The following RBFOX3 variants were observed in gnomAD, a reference collection of about 807,000 sequenced individuals.
The protein encoded by RBFOX3 is RNA binding protein fox-1 homolog 3.
RBFOX3 carries 17 observed loss-of-function variants against 48.7 expected under a neutral mutation model. That is an observed-to-expected ratio of 0.35 (90% CI 0.24 to 0.52). The LOEUF is 0.52. Among genes scored for constraint, RBFOX3 ranks in the 20% least tolerant of loss-of-function variants. The pLI is 0.94. For synonymous variants in RBFOX3, 212 were observed against 209.5 expected (o/e 1.01, Z -0.10); for missense variants, 382 against 497.5 (o/e 0.77, Z 2.21).
intron 1 of RBFOX3, among the ~76,000 whole-genome samples, chr17:79,578,152 C>G (rs1369915939): frequency 3.3e-5 from 5 of 152,246 alleles, no homozygotes; most frequent in Admixed American, 1.3e-4. Context: ...ATTTGTCCAA[C>G]AGCAAAGGCC....
At chr17:79,367,286 CCCTCCTCCT>C (rs1018789532) in intron 2 of RBFOX3, among the ~76,000 whole-genome samples, 1 of 143,726 alleles carries the variant, frequency 7.0e-6, no homozygotes, top group Non-Finnish European at 1.5e-5. Flanking sequence ...CTCCTCCTCC[CCCTCCTCCT>C]CCCTCTCCTC....
chr17:79,092,022 GT>G, intron 14 of RBFOX3: 3 of 985,490 alleles, frequency 3.0e-6, no homozygotes, highest in Non-Finnish European at 3.6e-6. Context: ...TACTCCTGTG[GT>G]TGGCTGGGTG....
intron 1 of RBFOX3, among the ~76,000 whole-genome samples, chr17:79,555,815 C>CAAT (rs1194562996): frequency 1.8e-3 from 2 of 1,100 alleles, no homozygotes; most frequent in African/African-American, 5.8e-3. Context: ...GTGATGGTGA[C>CAAT]GATGATGATA....
intron 2 of RBFOX3, among the ~76,000 whole-genome samples, chr17:79,408,175 C>G (rs1357316006): frequency 6.6e-6 from 1 of 152,138 alleles, no homozygotes; most frequent in Non-Finnish European, 1.5e-5. Context: ...GGGAGGCAGG[C>G]TGCGTATCTA....
chr17:79,238,034 T>G (rs757787961), intron 3 of RBFOX3, among the ~76,000 whole-genome samples: 4 of 152,220 alleles, frequency 2.6e-5, no homozygotes, highest in Non-Finnish European at 4.4e-5. Flanking sequence ...CCTCTCAGGT[T>G]CAAGCGATTC....
chr17:79,319,051 T>G (rs1598239120), intron 2 of RBFOX3, among the ~76,000 whole-genome samples: 3 of 148,258 alleles, frequency 2.0e-5, no homozygotes, highest in Admixed American at 1.3e-4. Context: ...AATTTGACTG[T>G]GGAAGGAGGG....
intron 2 of RBFOX3, among the ~76,000 whole-genome samples, chr17:79,308,131 G>A (rs1387270428): frequency 6.6e-6 from 1 of 152,246 alleles, no homozygotes; most frequent in South Asian, 2.1e-4. Context: ...AGCAGGTGAC[G>A]GGGTCAGGCT....
At chr17:79,264,374 C>CTT (rs34109756) in intron 3 of RBFOX3, among the ~76,000 whole-genome samples, 7 of 147,334 alleles carry the variant, frequency 4.8e-5, no homozygotes, top group African/African-American at 1.2e-4. Flanking sequence ...CCAAGCCTGG[C>CTT]TTTTTTTTTT....
At chr17:79,188,559 A>C (rs1368211326) in intron 4 of RBFOX3, among the ~76,000 whole-genome samples, 1 of 152,216 alleles carries the variant, frequency 6.6e-6, no homozygotes, top group East Asian at 1.9e-4. Flanking sequence ...GGAGTTGCAC[A>C]GGGTTGCAGT....
chr17:79,319,215 A>T (rs1381367158), intron 2 of RBFOX3, among the ~76,000 whole-genome samples: 1 of 152,054 alleles, frequency 6.6e-6, no homozygotes, highest in Non-Finnish European at 1.5e-5. Context: ...CTTTCCTGTT[A>T]CAAAGTTTTG....
rs371783903 is a variant in RBFOX3 at position 79,199,537 on chromosome 17, G to C, written c.-34+36229C>G. On this transcript the variant is annotated intron_variant, in intron 4 of 14. Coordinates refer to ENST00000693108, the MANE Select transcript of RBFOX3 (RefSeq NM_001350451.2). The surrounding 1 kb of genome is among the most constrained non-coding windows in gnomAD (Gnocchi z 5.1). Reference sequence around the variant, plus strand: ...CCCAGTCACTGACTTAGGGCTGCCAGTGACCTCTGTGGTGGGAACAGGTGA... The same window carrying C: ...CCCAGTCACTGACTTAGGGCTGCCACTGACCTCTGTGGTGGGAACAGGTGA... 6.6e-6 allele frequency among the ~76,000 whole-genome samples: 1 copy of C among 152,230 alleles called. No homozygotes were observed. The highest frequency in any genetic ancestry group is 2.4e-5 in the African/African-American group (1 of 41,468).
At chr17:79,265,883 C>T (rs2066613944) in intron 3 of RBFOX3, among the ~76,000 whole-genome samples, 1 of 152,196 alleles carries the variant, frequency 6.6e-6, no homozygotes, top group Non-Finnish European at 1.5e-5. Context: ...TCAGAACTGG[C>T]TTGGGGAGGG....
At chr17:79,373,121 G>A (rs1471171285) in intron 2 of RBFOX3, among the ~76,000 whole-genome samples, 1 of 152,160 alleles carries the variant, frequency 6.6e-6, no homozygotes, top group South Asian at 2.1e-4. Context: ...GGTGACGGCA[G>A]GGGAGCAGGT....
At chr17:79,412,675 GTA>G (rs2148610976) in intron 2 of RBFOX3, among the ~76,000 whole-genome samples, 1 of 151,520 alleles carries the variant, frequency 6.6e-6, no homozygotes, top group African/African-American at 2.4e-5. Flanking sequence ...TGAGTGTATG[GTA>G]TATGTGTATA....
intron 2 of RBFOX3, among the ~76,000 whole-genome samples, chr17:79,468,916 A>G (rs1041213383): frequency 8.5e-4 from 126 of 148,782 alleles, no homozygotes; most frequent in Non-Finnish European, 1.4e-3. Flanking sequence ...GATGGCAGAT[A>G]GGCAGGCAGA....
rs561955244 is a variant in RBFOX3 at position 79,432,369 on chromosome 17, C to T, written c.-175+50085G>A. 2.6e-5 allele frequency among the ~76,000 whole-genome samples: 4 copies of T among 152,360 alleles called. No homozygotes were observed. The South Asian group carries it at 8.3e-4, about 32-fold the overall frequency. On this transcript the variant is annotated intron_variant, in intron 2 of 14. Coordinates refer to ENST00000693108, the MANE Select transcript of RBFOX3 (RefSeq NM_001350451.2). The stretch of plus-strand genomic sequence containing the variant: ...GATTGTTTCATAGAAACAAGCATCT[C>T]CATGGAGCTTCACCTCTTGGGCCAG...
At chr17:79,562,044 C>A (rs1264781722) in intron 1 of RBFOX3, among the ~76,000 whole-genome samples, 13 of 152,216 alleles carry the variant, frequency 8.5e-5, no homozygotes. Flanking sequence ...TCAGCAGCCA[C>A]CAAAGGCCAC....
At chr17:79,113,378 C>T (rs1000038975) in intron 5 of RBFOX3, among the ~76,000 whole-genome samples, 4 of 152,142 alleles carry the variant, frequency 2.6e-5, no homozygotes, top group South Asian at 4.1e-4. Context: ...ACGCCGATGC[C>T]GTAACTTCTG....
At chr17:79,655,000 A>G in the RBFOX3 span, among the ~76,000 whole-genome samples, 1 of 152,202 alleles carries the variant, frequency 6.6e-6, no homozygotes, top group African/African-American at 2.4e-5. Context: ...AGAGTTCCAA[A>G]GCGACTGGAC....
Sources: gnomAD v4.1 joint callset for allele counts (sites outside exome capture counted in the v4.1 genomes callset) on GRCh38, gnomAD v4.1.1 for gene constraint, Gnocchi (gnomAD v3.1) non-coding constraint, MANE v1.5 for transcripts, NCBI Gene and HGNC (gene_info 2026-07-23, HGNC 2026-07-21) for gene names.